Variants in TRABD2B observed in about 807,000 individuals in gnomAD.
TRABD2B encodes TraB domain containing 2B.
TRABD2B carries 14 observed loss-of-function variants against 40.1 expected under a neutral mutation model. The ratio of observed to expected loss-of-function variants is 0.35; its 90% CI spans 0.23 to 0.55. The LOEUF (loss-of-function observed/expected upper bound fraction) is 0.55, where lower values mean the gene tolerates loss of function less well. Ranked by LOEUF, TRABD2B falls within the 20% of genes least tolerant of loss-of-function variation. The pLI is 0.90. For synonymous variants in TRABD2B, 263 were observed against 277.0 expected (o/e 0.95, Z 0.50); for missense variants, 541 against 648.6 (o/e 0.83, Z 1.80).
Position 47,814,272 on chromosome 1 carries a change from G to C in TRABD2B, c.667-12653C>G, listed in dbSNP as rs76582635. On this transcript the variant is annotated intron_variant, in intron 2 of 6. Transcript: ENST00000606738. ...GATAGACCCAGAGCAGGGAGTCGAG[G>C]TGGATCTGGAGCTCAGACTTTACTC... Among the ~76,000 whole-genome samples the C allele has an allele frequency of 4.7e-4, 71 of 152,364 alleles. 3 individuals are homozygous for C. The East Asian group carries it at 0.013, about 29-fold the overall frequency.
At chr1:47,872,754 C>T (rs923274590) in intron 2 of TRABD2B, among the ~76,000 whole-genome samples, 3 of 152,012 alleles carry the variant, frequency 2.0e-5, no homozygotes, top group African/African-American at 7.2e-5. Context: ...ATAGGGAGTC[C>T]CTTGAGAAGA....
chr1:47,893,307 TC>T (rs1293712996), intron 2 of TRABD2B, among the ~76,000 whole-genome samples: 1 of 152,148 alleles, frequency 6.6e-6, no homozygotes, highest in East Asian at 1.9e-4. Context: ...CTCCTGGTGT[TC>T]TATGGGACAG....
chr1:47,783,356 G>A (rs2124131235), intron 4 of TRABD2B, among the ~76,000 whole-genome samples: 1 of 151,788 alleles, frequency 6.6e-6, no homozygotes, highest in East Asian at 1.9e-4. Flanking sequence ...GGAGAAAGAG[G>A]AGAGAGGGAA....
rs143727320 is a variant in TRABD2B, at chr1:47,828,776, A to G, written c.667-27157T>C. On this transcript the variant is annotated intron_variant, in intron 2 of 6. Transcript: ENST00000606738. ...GTGAGCCTCAACATTAAGCACCCAC[A>G]CCCTAGAAAGTGGAGCCCTTAAAAG... is the stretch of plus-strand genomic sequence containing the variant. Among the ~76,000 whole-genome samples, 282 of 152,124 alleles carry G rather than the reference A, an allele frequency of 1.9e-3. 2 individuals are homozygous for G. The highest frequency in any genetic ancestry group is 6.1e-3 in the African/African-American group (254 of 41,496).
intron 2 of TRABD2B, among the ~76,000 whole-genome samples, chr1:47,912,937 C>T (rs1283527940): frequency 6.6e-6 from 1 of 152,158 alleles, no homozygotes; most frequent in African/African-American, 2.4e-5. Flanking sequence ...GCACAGGCCG[C>T]CCCTAGCACT....
chr1:47,885,809 C>T (rs1289995417), intron 2 of TRABD2B, among the ~76,000 whole-genome samples: 2 of 152,172 alleles, frequency 1.3e-5, no homozygotes, highest in Non-Finnish European at 2.9e-5. Context: ...CCTGAGTGCT[C>T]AGCTGAGATA....
At chr1:47,885,769 G>T (rs574417719) in intron 2 of TRABD2B, among the ~76,000 whole-genome samples, 60 of 152,248 alleles carry the variant, frequency 3.9e-4, no homozygotes, top group African/African-American at 1.4e-3. Flanking sequence ...ATAGCCAAAA[G>T]AAAACATAAC....
chr1:47,890,262 A>G (rs1644426203), intron 2 of TRABD2B, among the ~76,000 whole-genome samples: 1 of 152,222 alleles, frequency 6.6e-6, no homozygotes, highest in South Asian at 2.1e-4. Flanking sequence ...AGGTGGTAAT[A>G]GCAGCAGTGG....
At chr1:47,855,346 T>G (rs986771721) in intron 2 of TRABD2B, among the ~76,000 whole-genome samples, 4 of 152,266 alleles carry the variant, frequency 2.6e-5, no homozygotes, top group African/African-American at 9.6e-5. Flanking sequence ...CAGTCCCTTC[T>G]CTTGTCCTCC....
At chr1:47,939,389 T>C (rs1409703403) in intron 2 of TRABD2B, among the ~76,000 whole-genome samples, 1 of 152,148 alleles carries the variant, frequency 6.6e-6, no homozygotes, top group Non-Finnish European at 1.5e-5. Context: ...TATCATTAAA[T>C]GATAAGAAGA....
intron 2 of TRABD2B, among the ~76,000 whole-genome samples, chr1:47,939,459 A>G (rs1307957587): frequency 6.6e-6 from 1 of 152,220 alleles, no homozygotes; most frequent in Middle Eastern, 3.2e-3. Flanking sequence ...AAGAACACTG[A>G]TGAGAGCTTA....
chr1:47,765,816 C>A lies in TRABD2B; in HGVS notation c.*86G>T. 1 of 702,570 alleles carries A rather than the reference C, an allele frequency of 1.4e-6. No individual in the cohort carries two copies. Among genetic ancestry groups the A allele is most frequent in the South Asian group, 1.5e-5 (1 of 67,336 alleles). 43.5% of individuals were successfully genotyped at this position (702,570 alleles called of 1,614,324 possible). A position where few individuals can be genotyped will look rare whatever the true frequency, so the allele number is the denominator to read the frequency against. ...GGACTGCCCTCGACGTGTTGGGCAC[C>A]CCCTGGAGGTGGTGGCAGGAGCAGT... is the stretch of plus-strand genomic sequence containing the variant. On this transcript the variant is annotated 3_prime_UTR_variant, in exon 7 of 7. Coordinates refer to ENST00000606738, the MANE Select transcript of TRABD2B (RefSeq NM_001194986.2).
At position 47,917,123 on chromosome 1, in the gene TRABD2B, C is replaced by T. The variant is rs149571894; in HGVS notation, c.666+76911G>A. On this transcript the variant is annotated intron_variant, in intron 2 of 6. Transcript: ENST00000606738. ...CAGGTGTCATGGACCAAGTCCAGCA[C>T]GCAAGGACGGGCTCCAGGACTCCCC... Among the ~76,000 whole-genome samples the T allele has an allele frequency of 2.3e-3, 348 of 152,292 alleles. 3 individuals are homozygous for T. Among genetic ancestry groups the T allele is most frequent in the African/African-American group, 7.7e-3 (321 of 41,552 alleles).
chr1:47,955,653 T>C (rs1356458735), intron 2 of TRABD2B, among the ~76,000 whole-genome samples: 3 of 152,198 alleles, frequency 2.0e-5, no homozygotes, highest in Non-Finnish European at 4.4e-5. Context: ...TTCTCAGCTC[T>C]GGTCATCCAA....
At chr1:47,964,726 T>C (rs1410875217) in intron 2 of TRABD2B, among the ~76,000 whole-genome samples, 1 of 152,172 alleles carries the variant, frequency 6.6e-6, no homozygotes, top group African/African-American at 2.4e-5. Context: ...CATATTACTG[T>C]ATTCCTTCAT....
intron 6 of TRABD2B, among the ~76,000 whole-genome samples, chr1:47,773,578 T>C (rs1047025310): frequency 6.6e-6 from 1 of 152,244 alleles, no homozygotes; most frequent in African/African-American, 2.4e-5. Context: ...TTATAACCCC[T>C]TTGGCTTGGT....
intron 2 of TRABD2B, among the ~76,000 whole-genome samples, chr1:47,931,159 C>T (rs556457392): frequency 1.5e-4 from 23 of 152,268 alleles, no homozygotes; most frequent in Admixed American, 5.2e-4. Context: ...AATGAGCTAA[C>T]GAATGAATGA....
chr1:47,810,925 A>G lies in TRABD2B; in HGVS notation c.667-9306T>C, dbSNP rs569182099. Among the ~76,000 whole-genome samples, 6 of 152,346 alleles carry G rather than the reference A, an allele frequency of 3.9e-5. No individual in the cohort carries two copies. In the South Asian group the frequency reaches 1.2e-3, roughly 32 times the overall value. ...AACTCCCTTTCCCTTCTGCCTGCCC[A>G]TCTCCTGCCAGGGAGGACAAGGCGG... On this transcript the variant is annotated intron_variant, in intron 2 of 6. Coordinates refer to ENST00000606738, the MANE Select transcript of TRABD2B (RefSeq NM_001194986.2).
chr1:47,922,143 ACT>A (rs1299651468), intron 2 of TRABD2B, among the ~76,000 whole-genome samples: 1 of 151,814 alleles, frequency 6.6e-6, no homozygotes, highest in African/African-American at 2.4e-5. Context: ...TAATATCTAC[ACT>A]CTCTCATCTG....
Sources: allele counts gnomAD v4.1 joint callset (sites outside exome capture counted in the v4.1 genomes callset), GRCh38; gene constraint gnomAD v4.1.1; transcripts MANE v1.5; gene names NCBI Gene and HGNC (gene_info 2026-07-23, HGNC 2026-07-21).